The following SPART variants were observed in gnomAD, a reference collection of about 807,000 sequenced individuals.
The protein encoded by SPART is spartin.
A neutral mutation model predicts 58.7 loss-of-function variants in SPART; 35 were observed. The ratio of observed to expected loss-of-function variants is 0.60; its 90% CI spans 0.46 to 0.79. The LOEUF is 0.79. Among genes scored for constraint, SPART ranks in the 30% least tolerant of loss-of-function variants. The pLI is 0.00. For missense variants in SPART, 730 were observed against 786.1 expected (o/e 0.93, Z 0.85); for synonymous variants, 284 against 280.7 (o/e 1.01, Z -0.12).
At chr13:36,361,123 T>G (rs1036534011) in intron 1 of SPART, among the ~76,000 whole-genome samples, 1 of 152,190 alleles carries the variant, frequency 6.6e-6, no homozygotes, top group Non-Finnish European at 1.5e-5. Flanking sequence ...TGTAACTGTT[T>G]CCAGGTGGAA....
Position 36,314,311 on chromosome 13 carries a change from C to T in SPART, c.1399G>A (p.Val467Met), listed in dbSNP as rs763966969. Residue 467 changes from valine to methionine, a missense_variant, in exon 6 of 9, where the codon GTG becomes ATG. By Grantham distance (21) the Val-to-Met change is conservative (BLOSUM62 1). Transcript: ENST00000438666. ...RERIQPEEKP[V>M]EVSPAVTKGL... ...TTGGTGACAGCTGGACTAACTTCCA[C>T]GGGTTTTTCTTCTGGTTGAATCCGC... 2.0e-5 allele frequency: 32 copies of T among 1,614,016 alleles called. No individual in the cohort carries two copies. The highest frequency in any genetic ancestry group is 2.7e-5 in the African/African-American group (2 of 74,912).
Position 36,335,202 on chromosome 13 carries a change from G to C in SPART, c.629C>G (p.Pro210Arg). ...EFYRNHSQPPPLETLGLDADE... is the reference protein window; with the variant it reads ...EFYRNHSQPPRLETLGLDADE... ...TGCATCCAGCCCTAAGGTCTCAAGA[G>C]GCGGTGGCTGAGAATGATTCCTATA... The change falls in exon 2 of 9, where the codon CCT becomes CGT. Residue 210 changes from proline (P) to arginine (R), a missense_variant. Transcript: ENST00000438666. The C allele has an allele frequency of 6.2e-7, 1 of 1,614,106 alleles. No homozygotes were observed. Among genetic ancestry groups the C allele is most frequent in the Non-Finnish European group, 8.5e-7 (1 of 1,180,014 alleles).
chr13:36,329,018 A>G (rs1050458376), intron 4 of SPART, among the ~76,000 whole-genome samples: 1 of 152,136 alleles, frequency 6.6e-6, no homozygotes, highest in Admixed American at 6.5e-5. Context: ...GGAGGATCAC[A>G]TGAGCCTGGG....
chr13:36,347,872 T>C (rs1885243112), upstream of SPART, among the ~76,000 whole-genome samples: 1 of 152,216 alleles, frequency 6.6e-6, no homozygotes, highest in South Asian at 2.1e-4. Flanking sequence ...TCTAAAATCA[T>C]CAATTTTTAA....
chr13:36,360,155 CATGGTGG>C (rs1885794314), intron 1 of SPART, among the ~76,000 whole-genome samples: 1 of 151,678 alleles, frequency 6.6e-6, no homozygotes, highest in Non-Finnish European at 1.5e-5. Context: ...ATTAGCCAGG[CATGGTGG>C]CACACGCCTG....
chr13:36,317,400 G>A (rs1244819052), intron 5 of SPART, among the ~76,000 whole-genome samples: 1 of 151,786 alleles, frequency 6.6e-6, no homozygotes, highest in African/African-American at 2.4e-5. Context: ...GTATCTCTGT[G>A]CCCCAATCCC....
chr13:36,354,952 A>G (rs1439645695), intron 1 of SPART, among the ~76,000 whole-genome samples: 1 of 152,266 alleles, frequency 6.6e-6, no homozygotes, highest in Admixed American at 6.5e-5. Flanking sequence ...TAAGTAAAGA[A>G]GACAAGGTAA....
chr13:36,334,490 G>A (rs1305071522), intron 2 of SPART, among the ~76,000 whole-genome samples: 2 of 152,006 alleles, frequency 1.3e-5, no homozygotes, highest in East Asian at 1.9e-4. Context: ...GGCAGCATCC[G>A]TGGCCTCTAT....
intron 8 of SPART, among the ~76,000 whole-genome samples, chr13:36,309,699 GACA>G (rs1437925229): frequency 1.3e-5 from 2 of 152,148 alleles, no homozygotes; most frequent in East Asian, 1.9e-4. Context: ...ACATAAAGAT[GACA>G]ACAATAGACA....
chr13:36,361,030 A>G (rs1885837348), intron 1 of SPART, among the ~76,000 whole-genome samples: 1 of 152,220 alleles, frequency 6.6e-6, no homozygotes, highest in East Asian at 1.9e-4. Flanking sequence ...CAGACATACT[A>G]TCATGGAGCT....
chr13:36,336,704 GGA>G (rs1884043601), intron 1 of SPART, among the ~76,000 whole-genome samples: 1 of 152,146 alleles, frequency 6.6e-6, no homozygotes, highest in South Asian at 2.1e-4. Context: ...CAAGAGAAAT[GGA>G]TGCATGTGCA....
chr13:36,316,357 C>G (rs1440128838), intron 5 of SPART, among the ~76,000 whole-genome samples: 8 of 152,250 alleles, frequency 5.3e-5, no homozygotes, highest in African/African-American at 1.9e-4. Context: ...CAAGCCATCG[C>G]ATCCCCTGTG....
chr13:36,362,910 T>C (rs946329329), intron 1 of SPART, among the ~76,000 whole-genome samples: 3 of 152,348 alleles, frequency 2.0e-5, no homozygotes. Flanking sequence ...AATTGTCCTC[T>C]GTATTAACTA....
chr13:36,334,690 T>C (rs933210530), intron 2 of SPART, among the ~76,000 whole-genome samples: 1 of 152,124 alleles, frequency 6.6e-6, no homozygotes, highest in Non-Finnish European at 1.5e-5. Flanking sequence ...CAGCTATACA[T>C]CCACAGGAAT....
Position 36,313,545 on chromosome 13 carries a change from C to T in SPART, c.1483+682G>A, listed in dbSNP as rs151290948. ...GCAACTTCCAGTCCTGCAAGTGACA[C>T]TTCTGGTAAGTGCTCTCTACAGTTT... On this transcript the variant is annotated intron_variant, in intron 6 of 8. Coordinates refer to ENST00000438666, the MANE Select transcript of SPART (RefSeq NM_015087.5). Among the ~76,000 whole-genome samples, 120 of 152,334 alleles carry T rather than the reference C, an allele frequency of 7.9e-4. No homozygotes were observed. The Middle Eastern group carries it at 0.017, about 22-fold the overall frequency.
intron 4 of SPART, among the ~76,000 whole-genome samples, chr13:36,328,059 C>A (rs1042720938): frequency 6.6e-6 from 1 of 151,976 alleles, no homozygotes; most frequent in African/African-American, 2.4e-5. Context: ...GGAATAGGGC[C>A]CAGACTTATT....
intron 1 of SPART, among the ~76,000 whole-genome samples, chr13:36,366,610 T>C (rs1011726278): frequency 6.6e-6 from 1 of 152,142 alleles, no homozygotes; most frequent in African/African-American, 2.4e-5. Flanking sequence ...TTCTGAAAAA[T>C]TATTAGTTTG....
At chr13:36,347,149 A>G (rs919747611), upstream of SPART, among the ~76,000 whole-genome samples, 3 of 151,916 alleles carry the variant, frequency 2.0e-5, no homozygotes, top group African/African-American at 7.2e-5. Flanking sequence ...GCCTTAGGGA[A>G]AAAAAAACAG....
At chr13:36,353,446 G>C (rs1225713276) in intron 1 of SPART, among the ~76,000 whole-genome samples, 1 of 152,152 alleles carries the variant, frequency 6.6e-6, no homozygotes, top group African/African-American at 2.4e-5. Flanking sequence ...GAATACACTG[G>C]AGGTTTTTAG....
Sources: gnomAD v4.1 joint callset for allele counts (sites outside exome capture counted in the v4.1 genomes callset) on GRCh38, gnomAD v4.1.1 for gene constraint, MANE v1.5 for transcripts, NCBI Gene and HGNC (gene_info 2026-07-23, HGNC 2026-07-21) for gene names.